TMCC1: variants seen among roughly 807,000 people sequenced by gnomAD.
TMCC1 encodes the protein transmembrane and coiled-coil domain family 1.
Under a neutral mutation model 52.4 loss-of-function variants are expected in TMCC1, and 15 were observed. The observed-to-expected ratio is 0.29, with a 90% CI of 0.19 to 0.44. The LOEUF is 0.44. Among genes scored for constraint, TMCC1 ranks in the 20% least tolerant of loss-of-function variants. TMCC1 has a pLI of 1.00. For synonymous variants in TMCC1, 279 were observed against 301.9 expected (o/e 0.92, Z 0.79); for missense variants, 503 against 806.0 (o/e 0.62, Z 4.55).
At chr3:129,764,989 A>G (rs1271096152) in intron 4 of TMCC1, among the ~76,000 whole-genome samples, 1 of 150,808 alleles carries the variant, frequency 6.6e-6, no homozygotes, top group Non-Finnish European at 1.5e-5. Context: ...TTTTGTAGAA[A>G]GAGGGTCTTA....
chr3:129,649,868 G>A lies in TMCC1; in HGVS notation c.*1613C>T, dbSNP rs1337404381. 1 of 152,656 alleles carries A rather than the reference G, an allele frequency of 6.6e-6. No homozygotes were observed. The highest frequency in any genetic ancestry group is 1.9e-4 in the East Asian group (1 of 5,186). The allele number at this position is 152,656 out of a possible 1,614,324, so 9.5% of individuals were successfully genotyped here. On this transcript the variant is annotated 3_prime_UTR_variant, in exon 7 of 7. Coordinates refer to ENST00000393238, the MANE Select transcript of TMCC1 (RefSeq NM_001017395.5). Reference sequence around the variant, plus strand: ...CTAAATGTTCAAGTTCCACCAGGATGATGGAACTGGTTATGCGACGGGGGA... The same window carrying A: ...CTAAATGTTCAAGTTCCACCAGGATAATGGAACTGGTTATGCGACGGGGGA...
chr3:129,792,834 A>T (rs994955381), intron 4 of TMCC1, among the ~76,000 whole-genome samples: 3 of 152,154 alleles, frequency 2.0e-5, no homozygotes, highest in Non-Finnish European at 4.4e-5. Context: ...TATGTAATGT[A>T]CCTAAAGAGA....
chr3:129,770,217 T>A (rs2054446069), intron 4 of TMCC1, among the ~76,000 whole-genome samples: 1 of 152,100 alleles, frequency 6.6e-6, no homozygotes, highest in Non-Finnish European at 1.5e-5. Flanking sequence ...TATTGAGGCA[T>A]TAAGAAAAAA....
chr3:129,848,953 A>T (rs1228098043), intron 2 of TMCC1, among the ~76,000 whole-genome samples: 1 of 152,148 alleles, frequency 6.6e-6, no homozygotes, highest in African/African-American at 2.4e-5. Flanking sequence ...AAATGGAGAT[A>T]AAAATATTGC....
At chr3:129,844,875 T>C (rs1455771724) in intron 2 of TMCC1, among the ~76,000 whole-genome samples, 1 of 152,186 alleles carries the variant, frequency 6.6e-6, no homozygotes, top group Non-Finnish European at 1.5e-5. Context: ...TGTTCCTTTT[T>C]GAAAATAAAA....
At chr3:129,789,307 C>T (rs2056280430) in intron 4 of TMCC1, among the ~76,000 whole-genome samples, 1 of 152,076 alleles carries the variant, frequency 6.6e-6, no homozygotes, top group South Asian at 2.1e-4. Flanking sequence ...AATTAACCTA[C>T]TCAAGATGGA....
chr3:129,723,221 C>G (rs2049773060), intron 4 of TMCC1, among the ~76,000 whole-genome samples: 1 of 152,112 alleles, frequency 6.6e-6, no homozygotes, highest in Admixed American at 6.6e-5. Context: ...CCAGTTTTAT[C>G]TCAGAGATTT....
At chr3:129,842,252 G>A (rs2059451164) in intron 2 of TMCC1, among the ~76,000 whole-genome samples, 1 of 152,074 alleles carries the variant, frequency 6.6e-6, no homozygotes, top group Non-Finnish European at 1.5e-5. Context: ...GATCACTTGA[G>A]GCTAGGAGTT....
At chr3:129,726,618 C>A (rs1267444022) in intron 4 of TMCC1, among the ~76,000 whole-genome samples, 1 of 151,804 alleles carries the variant, frequency 6.6e-6, no homozygotes, top group African/African-American at 2.4e-5. Context: ...ATGGCTCACA[C>A]CTGTAATCCC....
intron 4 of TMCC1, among the ~76,000 whole-genome samples, chr3:129,803,823 A>T (rs971675447): frequency 2.6e-5 from 4 of 151,340 alleles, no homozygotes; most frequent in African/African-American, 9.8e-5. Context: ...GTGTGTAATT[A>T]AAAAAAATAA....
At chr3:129,852,400 T>C (rs1322519434) in intron 2 of TMCC1, among the ~76,000 whole-genome samples, 1 of 134,262 alleles carries the variant, frequency 7.4e-6, no homozygotes, top group African/African-American at 2.9e-5. Context: ...GAGGTTGCAG[T>C]GAGCCAAGCT....
intron 5 of TMCC1, among the ~76,000 whole-genome samples, chr3:129,657,222 C>G (rs958147098): frequency 4.6e-5 from 7 of 152,108 alleles, no homozygotes; most frequent in Non-Finnish European, 1.0e-4. Context: ...CTGCATGTGT[C>G]CCACAGGCTA....
chr3:129,664,849 T>C lies in TMCC1; in HGVS notation c.1511+5481A>G, dbSNP rs927855991. 2.0e-5 allele frequency among the ~76,000 whole-genome samples: 3 copies of C among 152,242 alleles called. No homozygotes were observed. The South Asian group carries it at 6.2e-4, about 31-fold the overall frequency. On this transcript the variant is annotated intron_variant, in intron 5 of 6. Transcript: ENST00000393238. ...AGGAACAAAACTAATCCTCAGTTTC[T>C]AGCAGCAAATTAAATATATGTAAAA...
chr3:129,737,761 C>T (rs1217685009), intron 4 of TMCC1, among the ~76,000 whole-genome samples: 1 of 152,118 alleles, frequency 6.6e-6, no homozygotes, highest in Non-Finnish European at 1.5e-5. Context: ...AGCCATTCTC[C>T]TAAATAACTA....
intron 2 of TMCC1, among the ~76,000 whole-genome samples, chr3:129,837,981 G>A (rs984514643): frequency 3.3e-5 from 5 of 152,170 alleles, no homozygotes; most frequent in Non-Finnish European, 5.9e-5. Context: ...AGAGAAAAGA[G>A]ATTTTCCCAC....
rs534921888 is a variant in TMCC1, at chr3:129,815,961, C to T, written c.576+11842G>A. 7.9e-5 allele frequency among the ~76,000 whole-genome samples: 12 copies of T among 152,206 alleles called. No individual in the cohort carries two copies. The South Asian group carries it at 2.5e-3, about 32-fold the overall frequency. On this transcript the variant is annotated intron_variant, in intron 4 of 6. Coordinates refer to ENST00000393238, the MANE Select transcript of TMCC1 (RefSeq NM_001017395.5). ...TAGTCATTTCTCAAAAGATGGCACA[C>T]AAATGGCCAACAAGTATATGAAAAA...
At chr3:129,788,502 G>A (rs557824971) in intron 4 of TMCC1, among the ~76,000 whole-genome samples, 74 of 151,310 alleles carry the variant, frequency 4.9e-4, no homozygotes, top group Middle Eastern at 3.4e-3. Flanking sequence ...TTGCTCTGTC[G>A]CCCAGAGTGG....
intron 1 of TMCC1, among the ~76,000 whole-genome samples, chr3:129,890,793 T>C (rs957030602): frequency 6.6e-6 from 1 of 152,334 alleles, no homozygotes; most frequent in Non-Finnish European, 1.5e-5. Context: ...ACCATACTTT[T>C]TGAGCAATTT....
intron 4 of TMCC1, among the ~76,000 whole-genome samples, chr3:129,826,267 T>G (rs534984259): frequency 9.3e-5 from 14 of 150,164 alleles, no homozygotes; most frequent in Non-Finnish European, 2.1e-4. Context: ...TTTGGGAGGC[T>G]GAGGTGGATG....
Sources: allele counts gnomAD v4.1 joint callset (sites outside exome capture counted in the v4.1 genomes callset), GRCh38; gene constraint gnomAD v4.1.1; transcripts MANE v1.5; gene names NCBI Gene and HGNC (gene_info 2026-07-23, HGNC 2026-07-21).